Variants in DNAJC8 observed in about 807,000 individuals in gnomAD.
The protein encoded by DNAJC8 is DnaJ heat shock protein family (Hsp40) member C8.
A neutral mutation model predicts 43.2 loss-of-function variants in DNAJC8; 24 were observed. The ratio of observed to expected loss-of-function variants is 0.56; its 90% CI spans 0.40 to 0.78. The LOEUF (loss-of-function observed/expected upper bound fraction) is 0.78. Among genes scored for constraint, DNAJC8 ranks in the 30% least tolerant of loss-of-function variants. DNAJC8 has a pLI of 0.00. For missense variants in DNAJC8, 207 were observed against 299.4 expected, an observed-to-expected ratio of 0.69 and a Z score of 2.28; for synonymous variants, 83 against 98.0, an observed-to-expected ratio of 0.85 and a Z score of 0.90.
At position 28,205,852 on chromosome 1, in the gene DNAJC8, C is replaced by T. The variant is rs191759334; in HGVS notation, c.472-503G>A. ...GCAGGGAGCTGAGATCATGCCATTG[C>T]ACCCCAGCCTGGGCAACAAGAGGGA... On this transcript the variant is annotated intron_variant, in intron 6 of 8. Coordinates refer to ENST00000263697, the MANE Select transcript of DNAJC8 (RefSeq NM_014280.3). Among the ~76,000 whole-genome samples the T allele has an allele frequency of 1.9e-3, 284 of 152,258 alleles. 1 individual carries two copies. The highest frequency in any genetic ancestry group is 6.5e-3 in the African/African-American group (268 of 41,542).
chr1:28,231,170 A>C (rs1442531883), intron 1 of DNAJC8, among the ~76,000 whole-genome samples: 9 of 151,960 alleles, frequency 5.9e-5, no homozygotes, highest in Non-Finnish European at 1.2e-4. Flanking sequence ...CAGGAGTTTA[A>C]GACCAGCCTG....
chr1:28,212,469 A>C (rs1646821851), intron 3 of DNAJC8, among the ~76,000 whole-genome samples: 1 of 150,570 alleles, frequency 6.6e-6, no homozygotes, highest in Non-Finnish European at 1.5e-5. Context: ...TTTTGTAGAG[A>C]CGGGGTTTCA....
chr1:28,200,373 T>C lies in DNAJC8; in HGVS notation c.*875A>G, dbSNP rs1027040261. The stretch of plus-strand genomic sequence containing the variant: ...TGGCAATACCCAAGGAGCACTATGG[T>C]AGTTACCTTGTATATGCCATGGCAA... On this transcript the variant is annotated 3_prime_UTR_variant, in exon 9 of 9. Coordinates refer to ENST00000263697, the MANE Select transcript of DNAJC8 (RefSeq NM_014280.3). The C allele has an allele frequency of 2.4e-6, 1 of 419,574 alleles. No homozygotes were observed. Among genetic ancestry groups the C allele is most frequent in the Admixed American group, 2.7e-5 (1 of 36,628 alleles). The allele number at this position is 419,574 out of a possible 1,614,324, so 26.0% of individuals were successfully genotyped here.
rs551743427 is a variant in DNAJC8, at chr1:28,215,530, G to A, written c.181-534C>T. Among the ~76,000 whole-genome samples the A allele has an allele frequency of 2.0e-5, 3 of 151,216 alleles. No homozygotes were observed. The South Asian group carries it at 6.3e-4, about 32-fold the overall frequency. On this transcript the variant is annotated intron_variant, in intron 2 of 8. Coordinates refer to ENST00000263697, the MANE Select transcript of DNAJC8 (RefSeq NM_014280.3). ...AGAGCAGGGGTAGGGCCAATAGGAG[G>A]AACAACTCTATTTTTTTTTTTTTTG...
chr1:28,232,480 G>A (rs993059065), intron 1 of DNAJC8, among the ~76,000 whole-genome samples: 1 of 152,070 alleles, frequency 6.6e-6, no homozygotes, highest in African/African-American at 2.4e-5. Context: ...TAAAATGGGG[G>A]TAATATAATG....
intron 3 of DNAJC8, 58 bp from the exon 4 acceptor site, chr1:28,210,695 C>A: frequency 7.1e-7 from 1 of 1,410,572 alleles, no homozygotes; most frequent in Admixed American, 1.7e-5. Context: ...AACTTCCAGC[C>A]TGCCCTGTCT....
chr1:28,202,375 G>A (rs997119449), intron 8 of DNAJC8, among the ~76,000 whole-genome samples: 5 of 151,986 alleles, frequency 3.3e-5, no homozygotes, highest in Non-Finnish European at 7.4e-5. Flanking sequence ...TGCCTCCCGG[G>A]TTCACATCAT....
At chr1:28,208,311 G>C (rs1466578253) in intron 6 of DNAJC8, 31 bp downstream of exon 6, 2 of 1,572,386 alleles carry the variant, frequency 1.3e-6, no homozygotes, top group African/African-American at 1.4e-5. Context: ...AATCACACAA[G>C]ATACAGTGGC....
At chr1:28,217,519 G>A (rs773134574) in intron 2 of DNAJC8, among the ~76,000 whole-genome samples, 10 of 152,038 alleles carry the variant, frequency 6.6e-5, no homozygotes, top group Non-Finnish European at 1.3e-4. Context: ...AAGTCAGTGC[G>A]CCCCACTCTC....
intron 2 of DNAJC8, among the ~76,000 whole-genome samples, 177 bp from the exon 3 acceptor site, chr1:28,215,173 A>G (rs573525375): frequency 6.6e-6 from 1 of 152,212 alleles, no homozygotes; most frequent in Non-Finnish European, 1.5e-5. Flanking sequence ...GATCAAATCA[A>G]CAGAATAACA....
At chr1:28,222,674 TCACATGGCCCAG>T (rs984429575) in intron 2 of DNAJC8, among the ~76,000 whole-genome samples, 14 of 150,322 alleles carry the variant, frequency 9.3e-5, no homozygotes, top group African/African-American at 3.4e-4. Flanking sequence ...TGGGTGGGAG[TCACATGGCCCAG>T]AGCACAGTGT....
chr1:28,226,797 C>A (rs1646938145), intron 2 of DNAJC8, among the ~76,000 whole-genome samples: 1 of 151,022 alleles, frequency 6.6e-6, no homozygotes. Flanking sequence ...GAGTAAGTTT[C>A]CTCAGTATTT....
At chr1:28,212,196 T>TAA (rs1646817805) in intron 3 of DNAJC8, among the ~76,000 whole-genome samples, 1 of 114,412 alleles carries the variant, frequency 8.7e-6, no homozygotes, top group Admixed American at 9.0e-5. Context: ...TATATATATA[T>TAA]ATATATATAT....
At chr1:28,205,481 T>A in intron 6 of DNAJC8, 132 bp from the exon 7 acceptor site, 1 of 623,358 alleles carries the variant, frequency 1.6e-6, no homozygotes, top group East Asian at 2.9e-5. Context: ...GTGGCTCACA[T>A]CTGTAATTCC....
chr1:28,201,348 TCCACACGA>T lies in DNAJC8; in HGVS notation c.654_661del (p.Arg219GlnfsTer32). ...ATTGGCTTGGAAGTTTCGCCAGCTGTCCACACGACCATCTCGACTTTCCTAAGTACAAA... is the reference window on the plus strand; with the variant it reads ...ATTGGCTTGGAAGTTTCGCCAGCTGTCCATCTCGACTTTCCTAAGTACAAA... On this transcript the variant is annotated frameshift_variant, in exon 9 of 9. Transcript: ENST00000263697. LOFTEE classifies it high-confidence loss of function. 6.2e-7 allele frequency: 1 copy of T among 1,613,966 alleles called. No individual in the cohort carries two copies. The highest frequency in any genetic ancestry group is 8.5e-7 in the Non-Finnish European group (1 of 1,180,018).
chr1:28,220,683 TTTCTAACACATGAATTTGGGGGACACA>T (rs2149021549), intron 2 of DNAJC8, among the ~76,000 whole-genome samples: 1 of 152,316 alleles, frequency 6.6e-6, no homozygotes, highest in South Asian at 2.1e-4. Context: ...TGGGATTAAA[TTTCTAACACATGAATTTGGGGGACACA>T]TTCTAACCAC....
At chr1:28,232,253 G>A (rs1468801468) in intron 1 of DNAJC8, among the ~76,000 whole-genome samples, 1 of 152,086 alleles carries the variant, frequency 6.6e-6, no homozygotes, top group Non-Finnish European at 1.5e-5. Flanking sequence ...TTTAATCTGA[G>A]ATTCTGACTC....
chr1:28,232,618 C>A (rs572895606), intron 1 of DNAJC8, among the ~76,000 whole-genome samples: 1 of 152,330 alleles, frequency 6.6e-6, no homozygotes, highest in South Asian at 2.1e-4. Flanking sequence ...AGGAAGGGCC[C>A]AGCCTCTGCC....
At chr1:28,216,884 C>T (rs1465751413) in intron 2 of DNAJC8, among the ~76,000 whole-genome samples, 2 of 149,448 alleles carry the variant, frequency 1.3e-5, no homozygotes, top group Non-Finnish European at 3.0e-5. Context: ...TCTCGGCTCA[C>T]TGCCACCTCC....
Sources: gnomAD v4.1 joint callset for allele counts (sites outside exome capture counted in the v4.1 genomes callset) on GRCh38, gnomAD v4.1.1 for gene constraint, MANE v1.5 for transcripts, NCBI Gene and HGNC (gene_info 2026-07-23, HGNC 2026-07-21) for gene names.